SNPH: variants seen among roughly 807,000 people sequenced by gnomAD.
SNPH encodes the protein syntaphilin.
In SNPH, 10 loss-of-function variants were observed where a neutral mutation model predicts 36.8. The ratio of observed to expected loss-of-function variants is 0.27; its 90% CI spans 0.17 to 0.46. The LOEUF is 0.46. SNPH is among the 20% of genes least tolerant of loss of function. The pLI, the probability that SNPH is intolerant of heterozygous loss-of-function variation, is 1.00. For missense variants in SNPH, 622 were observed against 744.0 expected, an observed-to-expected ratio of 0.84 and a Z score of 1.91; for synonymous variants, 281 against 312.2, an observed-to-expected ratio of 0.90 and a Z score of 1.05.
intron 2 of SNPH, among the ~76,000 whole-genome samples, chr20:1,290,455 A>C (rs1313076753): frequency 6.6e-6 from 1 of 152,150 alleles, no homozygotes; most frequent in Non-Finnish European, 1.5e-5. Context: ...GGCCTTTCGT[A>C]TCTGGCTTCT....
At position 1,266,685 on chromosome 20, in the gene SNPH, C is replaced by T; in HGVS notation, c.-568C>T. 2 of 1,475,832 alleles carry T rather than the reference C, an allele frequency of 1.4e-6. No individual in the cohort carries two copies. The highest frequency in any genetic ancestry group is 1.8e-6 in the Non-Finnish European group (2 of 1,116,284). The allele number at this position is 1,475,832 out of a possible 1,614,324, so 91.4% of individuals were successfully genotyped here. ...GATCAGGGCCAGGCGGCTGCAGCAG[C>T]GACTGCAGAGGCGCTGCGCCAAGCC... On this transcript the variant is annotated 5_prime_UTR_variant, in exon 2 of 7. Coordinates refer to ENST00000381867, the MANE Select transcript of SNPH (RefSeq NM_001318234.2). This position sits in a 1 kb window ranked among gnomAD's most constrained non-coding sequence, Gnocchi z 6.0.
intron 2 of SNPH, among the ~76,000 whole-genome samples, chr20:1,268,606 A>C (rs569919836): frequency 6.6e-6 from 1 of 151,616 alleles, no homozygotes. Flanking sequence ...AGAAGTTGTC[A>C]TGTCCCCCCA....
intron 3 of SNPH, among the ~76,000 whole-genome samples, 160 bp from the exon 4 acceptor site, chr20:1,295,616 G>A (rs1024372488): frequency 2.0e-5 from 3 of 152,248 alleles, no homozygotes; most frequent in Non-Finnish European, 4.4e-5. Context: ...GGACCTGGCT[G>A]CATGTCCTGC....
At chr20:1,303,423 AACTC>A (rs1431966468) in intron 6 of SNPH, among the ~76,000 whole-genome samples, 1 of 152,184 alleles carries the variant, frequency 6.6e-6, no homozygotes, top group Non-Finnish European at 1.5e-5. Context: ...CCTTCTTTCA[AACTC>A]ACTCTTTCTC....
At position 1,289,505 on chromosome 20, in the gene SNPH, A is replaced by T. The variant is rs2088326410; in HGVS notation, c.-492-5446A>T. 2.5e-5 allele frequency among the ~76,000 whole-genome samples: 3 copies of T among 118,750 alleles called. No individual in the cohort carries two copies. The South Asian group carries it at 9.2e-4, about 36-fold the overall frequency. The allele number at this position is 118,750 out of a possible 152,430, so 77.9% of individuals were successfully genotyped here. A position where few individuals can be genotyped will look rare whatever the true frequency, so the allele number is the denominator to read the frequency against. ...TGTCTTTTTATTAATGCAACGGTTC[A>T]TTTAAATACACACACACACACACAC... On this transcript the variant is annotated intron_variant, in intron 2 of 6. Coordinates refer to ENST00000381867, the MANE Select transcript of SNPH (RefSeq NM_001318234.2).
At chr20:1,288,852 C>T (rs1250483298) in intron 2 of SNPH, among the ~76,000 whole-genome samples, 1 of 152,058 alleles carries the variant, frequency 6.6e-6, no homozygotes, top group African/African-American at 2.4e-5. Flanking sequence ...GAAATCCTGA[C>T]CTCAGGTGAT....
intron 2 of SNPH, among the ~76,000 whole-genome samples, chr20:1,280,794 C>T (rs1432581366): frequency 3.3e-5 from 5 of 152,300 alleles, no homozygotes; most frequent in Admixed American, 2.6e-4. Flanking sequence ...TGTTTGGCTG[C>T]CTGACTTCCC....
rs1239209847 is a variant in SNPH, at chr20:1,266,865, G to C, written c.-493+105G>C. ...CGGTAGAATCCCTTGGAGGGCACCA[G>C]CCTAAGAGGGGTTAATCGTGACTCA... is the stretch of plus-strand genomic sequence containing the variant. On this transcript the variant is annotated intron_variant, in intron 2 of 6. Coordinates refer to ENST00000381867, the MANE Select transcript of SNPH (RefSeq NM_001318234.2). The surrounding 1 kb of genome is among the most constrained non-coding windows in gnomAD (Gnocchi z 6.0). 2 of 1,266,886 alleles carry C rather than the reference G, an allele frequency of 1.6e-6. No individual in the cohort carries two copies. The highest frequency in any genetic ancestry group is 2.0e-6 in the Non-Finnish European group (2 of 1,003,956). 78.5% of individuals were successfully genotyped at this position (1,266,886 alleles called of 1,614,324 possible). A position where few individuals can be genotyped will look rare whatever the true frequency, so the allele number is the denominator to read the frequency against.
chr20:1,296,298 G>A lies in SNPH; in HGVS notation c.59G>A (p.Gly20Asp). 1.3e-6 allele frequency: 2 copies of A among 1,578,582 alleles called. No individual in the cohort carries two copies. The highest frequency in any genetic ancestry group is 1.7e-6 in the Non-Finnish European group (2 of 1,164,016). ...TGGCCTGGCCCGGCCCTTTCTGCGG[G>A]CCCCCCAACCCGCCCTCTCTCCTCA... ...MTWPGPALSA[G>D]PPTRPLSSAP... The change falls in exon 4 of 7, where the codon GGC becomes GAC. Residue 20 changes from glycine to aspartate, a missense_variant. Physicochemically the swap from Gly to Asp is moderately conservative, Grantham distance 94 (BLOSUM62 -1). This residue lies in a region of SNPH where 187 missense variants were observed against 209.4 expected (regional missense o/e 0.89). Coordinates refer to ENST00000381867, the MANE Select transcript of SNPH (RefSeq NM_001318234.2).
At position 1,306,014 on chromosome 20, in the gene SNPH, A is replaced by G; in HGVS notation, c.1577A>G (p.Gln526Arg). The change falls in exon 7 of 7, where the codon CAG becomes CGG. Residue 526 changes from glutamine to arginine, a missense_variant. Gln to Arg is a conservative substitution (Grantham distance 43). This residue lies in a region of SNPH where 379 missense variants were observed against 427.9 expected (regional missense o/e 0.89). Coordinates refer to ENST00000381867, the MANE Select transcript of SNPH (RefSeq NM_001318234.2). ...IRRISCRSLSQPSPSPAGGGS... is the reference protein window; with the variant it reads ...IRRISCRSLSRPSPSPAGGGS... ...AGGATCAGCTGCCGCTCGCTGAGCC[A>G]GCCGAGTCCCAGCCCAGCGGGCGGC... 6.6e-7 allele frequency: 1 copy of G among 1,516,286 alleles called. No individual in the cohort carries two copies. 93.9% of individuals were successfully genotyped at this position (1,516,286 alleles called of 1,614,324 possible).
intron 5 of SNPH, among the ~76,000 whole-genome samples, chr20:1,299,106 G>A (rs573452922): frequency 1.5e-4 from 23 of 152,104 alleles, no homozygotes; most frequent in South Asian, 1.5e-3. Flanking sequence ...GGGCCATGAC[G>A]TGAGTACATA....
chr20:1,270,979 A>G (rs1023472335), intron 2 of SNPH, among the ~76,000 whole-genome samples: 1 of 152,210 alleles, frequency 6.6e-6, no homozygotes, highest in African/African-American at 2.4e-5. Flanking sequence ...GTCTCGATGC[A>G]GGTGATGTGA....
chr20:1,300,542 T>C lies in SNPH; in HGVS notation c.291-20T>C. 3 of 1,613,764 alleles carry C rather than the reference T, an allele frequency of 1.9e-6. No individual in the cohort carries two copies. Among genetic ancestry groups the C allele is most frequent in the Non-Finnish European group, 2.5e-6 (3 of 1,179,908 alleles). On this transcript the variant is annotated intron_variant, in intron 5 of 6. Coordinates refer to ENST00000381867, the MANE Select transcript of SNPH (RefSeq NM_001318234.2). ...GCCTGACCTCTTCCTCCCTCCCTGA[T>C]GATGGGCGTCCCCTTGCAGGCGCTC...
At chr20:1,275,894 G>T (rs943048525) in intron 2 of SNPH, among the ~76,000 whole-genome samples, 1 of 152,104 alleles carries the variant, frequency 6.6e-6, no homozygotes, top group Admixed American at 6.5e-5. Context: ...ACTTTTACTT[G>T]CCCTGTTTCC....
chr20:1,299,017 AC>A (rs2088474258), intron 5 of SNPH, among the ~76,000 whole-genome samples: 1 of 150,734 alleles, frequency 6.6e-6, no homozygotes, highest in African/African-American at 2.4e-5. Context: ...CACTCCTACC[AC>A]CCCTTGCCAA....
rs4813075 is a variant in SNPH at position 1,278,060 on chromosome 20, C to T, written c.-493+11300C>T. 2.4e-3 allele frequency among the ~76,000 whole-genome samples: 324 copies of T among 136,358 alleles called. 4 individuals carry two copies. Among genetic ancestry groups the T allele is most frequent in the Non-Finnish European group, 1.9e-3 (121 of 62,440 alleles). The allele number at this position is 136,358 out of a possible 152,430, so 89.5% of individuals were successfully genotyped here. A position where few individuals can be genotyped will look rare whatever the true frequency, so the allele number is the denominator to read the frequency against. ...TGTATGTGTGCCTGTGTGTGTGTGT[C>T]TGTGTGTGTATCTGTGTGTGTCTCT... On this transcript the variant is annotated intron_variant, in intron 2 of 6. Coordinates refer to ENST00000381867, the MANE Select transcript of SNPH (RefSeq NM_001318234.2).
chr20:1,305,715 A>G lies in SNPH; in HGVS notation c.1278A>G (p.Gly426=), dbSNP rs773170306. The G allele has an allele frequency of 5.0e-6, 8 of 1,609,936 alleles. No homozygotes were observed. The South Asian group carries it at 5.5e-5, about 11-fold the overall frequency. Residue 426 remains glycine (G), a synonymous_variant, in exon 7 of 7, where the codon GGA becomes GGG. Transcript: ENST00000381867. ...ELEAPEPITR[G]PTPQRPGANP... ...AGGCCCCAGAGCCCATCACCCGTGG[A>G]CCCACCCCACAGCGGCCTGGTGCCA...
chr20:1,270,758 C>T (rs1450810312), intron 2 of SNPH, among the ~76,000 whole-genome samples: 1 of 152,206 alleles, frequency 6.6e-6, no homozygotes, highest in Non-Finnish European at 1.5e-5. Flanking sequence ...AATTCTTCTT[C>T]ATGTCTATTC....
Position 1,283,336 on chromosome 20 carries a change from C to A in SNPH, c.-492-11615C>A, listed in dbSNP as rs965877099. 6.6e-5 allele frequency among the ~76,000 whole-genome samples: 10 copies of A among 152,288 alleles called. No homozygotes were observed. The South Asian group carries it at 1.2e-3, about 19-fold the overall frequency. ...TACTGGGGGCCTTGGGCAAGTGCCA[C>A]CCACCCCCACGCTGACCTCAGATCT... On this transcript the variant is annotated intron_variant, in intron 2 of 6. Coordinates refer to ENST00000381867, the MANE Select transcript of SNPH (RefSeq NM_001318234.2).
Sources: allele counts gnomAD v4.1 joint callset (sites outside exome capture counted in the v4.1 genomes callset), GRCh38; gene constraint gnomAD v4.1.1; regional missense constraint gnomAD v4.1.1; non-coding constraint Gnocchi (gnomAD v3.1); transcripts MANE v1.5; gene names NCBI Gene and HGNC (gene_info 2026-07-23, HGNC 2026-07-21).